The following NR2C2 variants were observed in gnomAD, a reference collection of about 807,000 sequenced individuals.
The protein encoded by NR2C2 is Nuclear hormone receptor TR4.
In NR2C2, 6 loss-of-function variants were observed where a neutral mutation model predicts 62.9. The observed-to-expected ratio is 0.10, with a 90% confidence interval of 0.05 to 0.19. NR2C2 has a LOEUF of 0.19. NR2C2 is among the 10% of genes least tolerant of loss of function. The probability of loss-of-function intolerance (pLI) is 1.00; values close to 1 mark genes in which losing one functional copy is unlikely to be tolerated. For missense variants in NR2C2, 479 were observed against 762.7 expected, an observed-to-expected ratio of 0.63 and a Z score of 4.38; for synonymous variants, 272 against 273.8, an observed-to-expected ratio of 0.99 and a Z score of 0.07.
chr3:14,956,811 G>C (rs2039539229), intron 1 of NR2C2, among the ~76,000 whole-genome samples: 1 of 152,222 alleles, frequency 6.6e-6, no homozygotes. Flanking sequence ...AGAGTGCTGG[G>C]ATTACAGGCA....
intron 1 of NR2C2, among the ~76,000 whole-genome samples, chr3:14,965,069 CTG>C (rs2039800453): frequency 6.6e-6 from 1 of 152,190 alleles, no homozygotes; most frequent in Non-Finnish European, 1.5e-5. Flanking sequence ...GCCGGAATAC[CTG>C]CAGAGAACCC....
chr3:15,007,277 G>A (rs921968255), intron 2 of NR2C2, among the ~76,000 whole-genome samples: 2 of 151,814 alleles, frequency 1.3e-5, no homozygotes, highest in Non-Finnish European at 2.9e-5. Context: ...ACAGGTGCTC[G>A]CCACCACACC....
chr3:14,972,868 A>G lies in NR2C2; in HGVS notation c.-40+24962A>G, dbSNP rs2040086016. ...GTGCTACACACTTTTAAACAACCAG[A>G]TCTCATGGTAACTCACTCACTATCA... On this transcript the variant is annotated intron_variant, in intron 1 of 13. Transcript: ENST00000425241. Among the ~76,000 whole-genome samples, 3 of 152,062 alleles carry G rather than the reference A, an allele frequency of 2.0e-5. No individual in the cohort carries two copies. In the South Asian group the frequency reaches 6.2e-4, roughly 32 times the overall value.
intron 6 of NR2C2, 142 bp downstream of exon 6, chr3:15,023,489 A>T: frequency 1.1e-6 from 1 of 916,166 alleles, no homozygotes; most frequent in Non-Finnish European, 1.7e-6. Context: ...CCCCTTCTGG[A>T]GCTGCTCAGT....
At chr3:15,010,454 C>G (rs1489176562) in intron 2 of NR2C2, among the ~76,000 whole-genome samples, 1 of 151,836 alleles carries the variant, frequency 6.6e-6, no homozygotes, top group African/African-American at 2.4e-5. Context: ...TGCATTGGTT[C>G]TCACCTGTAA....
At chr3:15,022,438 T>C (rs759098462) in intron 5 of NR2C2, among the ~76,000 whole-genome samples, 2 of 145,684 alleles carry the variant, frequency 1.4e-5, no homozygotes, top group Admixed American at 1.4e-4. Context: ...AGTCTTGCTC[T>C]GTTGCCCAGG....
chr3:14,957,492 T>C (rs1045796548), intron 1 of NR2C2, among the ~76,000 whole-genome samples: 5 of 152,208 alleles, frequency 3.3e-5, no homozygotes, highest in African/African-American at 1.2e-4. Context: ...GTGATATTGA[T>C]CCACTTGGAT....
At chr3:15,011,993 T>C (rs1445235460) in intron 2 of NR2C2, among the ~76,000 whole-genome samples, 1 of 152,198 alleles carries the variant, frequency 6.6e-6, no homozygotes, top group Non-Finnish European at 1.5e-5. Flanking sequence ...CTTCCCCCAA[T>C]AGAAGTTTAG....
At chr3:14,973,526 G>T (rs772909593) in intron 1 of NR2C2, among the ~76,000 whole-genome samples, 1 of 152,176 alleles carries the variant, frequency 6.6e-6, no homozygotes, top group African/African-American at 2.4e-5. Flanking sequence ...GAGCCACCGT[G>T]CATGTCTCCT....
chr3:14,947,634 G>T lies in NR2C2; in HGVS notation c.-312G>T. The T allele has an allele frequency of 6.7e-6, 1 of 149,966 alleles. No individual in the cohort carries two copies. The highest frequency in any genetic ancestry group is 1.8e-4 in the South Asian group (1 of 5,528). The allele number at this position is 149,966 out of a possible 1,614,324, so 9.3% of individuals were successfully genotyped here. On this transcript the variant is annotated 5_prime_UTR_variant, in exon 1 of 14. Transcript: ENST00000425241. ...CGCGGGCGGCGGCGGCGGCGGCACCGGGGTCACGAACTCTGACCTTTCACT... is the reference window on the plus strand; with the variant it reads ...CGCGGGCGGCGGCGGCGGCGGCACCTGGGTCACGAACTCTGACCTTTCACT...
At chr3:14,980,830 G>C (rs2040345999) in intron 1 of NR2C2, among the ~76,000 whole-genome samples, 1 of 152,204 alleles carries the variant, frequency 6.6e-6, no homozygotes, top group Non-Finnish European at 1.5e-5. Flanking sequence ...CATGCAATGA[G>C]CATTTTCAAG....
chr3:15,015,138 G>T (rs2041472826), intron 3 of NR2C2, among the ~76,000 whole-genome samples: 1 of 152,172 alleles, frequency 6.6e-6, no homozygotes, highest in Admixed American at 6.5e-5. Flanking sequence ...CTCCTTTAGA[G>T]TACTCCTTGT....
At chr3:14,970,460 C>T (rs774320042) in intron 1 of NR2C2, among the ~76,000 whole-genome samples, 7 of 152,136 alleles carry the variant, frequency 4.6e-5, no homozygotes, top group African/African-American at 7.2e-5. Flanking sequence ...GACTGAAACT[C>T]GGTATCCATG....
intron 2 of NR2C2, among the ~76,000 whole-genome samples, chr3:15,010,161 C>T (rs973425841): frequency 6.6e-6 from 1 of 152,108 alleles, no homozygotes; most frequent in Non-Finnish European, 1.5e-5. Context: ...TGGATATATC[C>T]TTGCAATTTG....
intron 2 of NR2C2, among the ~76,000 whole-genome samples, chr3:15,009,009 T>C (rs1322232538): frequency 1.3e-5 from 2 of 152,012 alleles, no homozygotes; most frequent in Non-Finnish European, 2.9e-5. Context: ...TCACCTGAGG[T>C]TGGGAGTTTG....
chr3:14,979,866 G>A (rs950013879), intron 1 of NR2C2, among the ~76,000 whole-genome samples: 2 of 151,974 alleles, frequency 1.3e-5, no homozygotes, highest in African/African-American at 2.4e-5. Context: ...ATTTTGGGGA[G>A]GTATTGGAGA....
chr3:15,023,282 C>A lies in NR2C2; in HGVS notation c.639C>A (p.Ile213=), dbSNP rs147052449. The change falls in exon 6 of 14, where the codon ATC becomes ATA. Residue 213 remains isoleucine, a synonymous_variant. Transcript: ENST00000425241. ...CTGCTTCAACTGAGAAAATCTATAT[C>A]CGGAAAGACCTGAGAAGTCCCCTGA... ...NCAASTEKIY[I]RKDLRSPLIA... is the part of the protein sequence containing the mutation. 275 of 1,614,210 alleles carry A rather than the reference C, an allele frequency of 1.7e-4. No individual in the cohort carries two copies. The African/African-American group carries it at 3.2e-3, about 19-fold the overall frequency.
chr3:14,976,602 C>CTTTTTTTTTTTTTTTTTTTTTTT (rs533538010), intron 1 of NR2C2, among the ~76,000 whole-genome samples: 2 of 90,740 alleles, frequency 2.2e-5, no homozygotes, highest in African/African-American at 5.1e-5. Context: ...TCCTTCCTTC[C>CTTTTTTTTTTTTTTTTTTTTTTT]TTTTTTTTTT....
At position 15,013,695 on chromosome 3, in the gene NR2C2, G is replaced by T; in HGVS notation, c.179G>T (p.Gly60Val). 1 of 1,614,188 alleles carries T rather than the reference G, an allele frequency of 6.2e-7. No homozygotes were observed. Among genetic ancestry groups the T allele is most frequent in the East Asian group, 2.2e-5 (1 of 44,870 alleles). ...ATCCTGACCAGCCCAGATGGAGCTG[G>T]AACTGGGAAGGTGATCCTGGCTTCC... ...QFILTSPDGA[G>V]TGKVILASPE... is the part of the protein sequence containing the mutation. The change falls in exon 3 of 14, where the codon GGA becomes GTA. Residue 60 changes from glycine to valine, a missense_variant. By Grantham distance (109) the Gly-to-Val change is moderately radical. This residue lies in a region of NR2C2 where 115 missense variants were observed against 152.3 expected (regional missense o/e 0.76). Transcript: ENST00000425241.
Sources: gnomAD v4.1 joint callset for allele counts (sites outside exome capture counted in the v4.1 genomes callset) on GRCh38, gnomAD v4.1.1 for gene constraint, gnomAD v4.1.1 regional missense constraint, MANE v1.5 for transcripts, NCBI Gene and HGNC (gene_info 2026-07-23, HGNC 2026-07-21) for gene names.